Variants in MBTPS1 observed in about 807,000 individuals in gnomAD.
MBTPS1 encodes the protein membrane-bound transcription factor site-1 protease.
In MBTPS1, 94 loss-of-function variants were observed where a neutral mutation model predicts 127.8. The ratio of observed to expected loss-of-function variants is 0.74; its 90% CI spans 0.62 to 0.87. The LOEUF is 0.87. MBTPS1 is among the 40% of genes least tolerant of loss of function. The probability of loss-of-function intolerance (pLI) is 0.00; values close to 1 mark genes in which losing one functional copy is unlikely to be tolerated. For missense variants in MBTPS1, 1,636 were observed against 1,353.2 expected, an observed-to-expected ratio of 1.21 and a Z score of -3.28; for synonymous variants, 632 against 509.4, an observed-to-expected ratio of 1.24 and a Z score of -3.24.
In MBTPS1 at chr16:84,116,768, G is replaced by C. The variant is rs1458074420; in HGVS notation, c.-358C>G. 3 of 152,104 alleles carry C rather than the reference G, an allele frequency of 2.0e-5. No homozygotes were observed. The highest frequency in any genetic ancestry group is 6.5e-5 in the Admixed American group (1 of 15,272). The allele number at this position is 152,104 out of a possible 1,614,324, so 9.4% of individuals were successfully genotyped here. ...CCGGGAGCTCAGGGCCGGCGGGCCC[G>C]GGATAACGGCGCCTCCGCGGCGAAC... On this transcript the variant is annotated 5_prime_UTR_variant, in exon 1 of 23. Transcript: ENST00000343411.
In MBTPS1 at chr16:84,095,638, G is replaced by A. The variant is rs750303168; in HGVS notation, c.589C>T (p.Leu197=). Residue 197 remains leucine (L), a synonymous_variant, in exon 4 of 23, where the codon CTG becomes TTG. Coordinates refer to ENST00000343411, the MANE Select transcript of MBTPS1 (RefSeq NM_003791.4). ...ATCTGCCAGAGCACATCTGCCTGCA[G>A]TGTCTGGGCAACCTGGCGCGGGATG... is the stretch of plus-strand genomic sequence containing the variant. The part of the protein sequence containing the change: ...RAIPRQVAQT[L]QADVLWQMGY... 6.2e-7 allele frequency: 1 copy of A among 1,614,228 alleles called. No individual in the cohort carries two copies.
intron 5 of MBTPS1, among the ~76,000 whole-genome samples, 154 bp from the exon 6 acceptor site, chr16:84,093,451 T>C (rs1044626725): frequency 6.6e-6 from 1 of 152,194 alleles, no homozygotes. Flanking sequence ...TAGACGTCAC[T>C]GGCACAAGCA....
At chr16:84,088,989 C>G (rs914691935) in intron 8 of MBTPS1, among the ~76,000 whole-genome samples, 1 of 152,210 alleles carries the variant, frequency 6.6e-6, no homozygotes, top group African/African-American at 2.4e-5. Context: ...ACTCACAACT[C>G]TGGTAAGAAG....
intron 15 of MBTPS1, among the ~76,000 whole-genome samples, chr16:84,068,102 TA>T (rs993633437): frequency 2.0e-5 from 3 of 152,164 alleles, no homozygotes; most frequent in African/African-American, 7.2e-5. Context: ...GCTTTTAACT[TA>T]AAGAAAAAAG....
At chr16:84,066,049 G>C (rs1449329870) in intron 17 of MBTPS1, among the ~76,000 whole-genome samples, 1 of 152,114 alleles carries the variant, frequency 6.6e-6, no homozygotes, top group Non-Finnish European at 1.5e-5. Flanking sequence ...TTATAACTCA[G>C]AGCAGTGAAA....
chr16:84,087,986 T>C (rs1171165911), intron 8 of MBTPS1, among the ~76,000 whole-genome samples: 1 of 152,148 alleles, frequency 6.6e-6, no homozygotes, highest in East Asian at 1.9e-4. Context: ...TGTTCTACCC[T>C]CCTCATAGGG....
intron 20 of MBTPS1, chr16:84,059,726 C>A: frequency 5.0e-6 from 1 of 201,684 alleles, no homozygotes; most frequent in Non-Finnish European, 1.0e-5. Flanking sequence ...CTGACACACG[C>A]AAGGCTACAC....
At chr16:84,067,383 C>G (rs1173593796) in intron 16 of MBTPS1, among the ~76,000 whole-genome samples, 1 of 152,112 alleles carries the variant, frequency 6.6e-6, no homozygotes, top group Non-Finnish European at 1.5e-5. Context: ...GAGATAGGGT[C>G]TCTCTGACAC....
chr16:84,070,002 G>A lies in MBTPS1; in HGVS notation c.1819C>T (p.Leu607Phe). Residue 607 changes from leucine (L) to phenylalanine (F), a missense_variant, in exon 14 of 23, where the codon CTC becomes TTC. Transcript: ENST00000343411. Reference sequence around the variant, plus strand: ...GGAATTATCTTCACCTTAATGGGGAGCTTTACTGTTGAAGTCTGTTCTGCA... The same window carrying A: ...GGAATTATCTTCACCTTAATGGGGAACTTTACTGTTGAAGTCTGTTCTGCA... ...NGAEQTSTVK[L>F]PIKVKIIPTP... The A allele has an allele frequency of 6.2e-7, 1 of 1,613,828 alleles. No homozygotes were observed. Among genetic ancestry groups the A allele is most frequent in the Non-Finnish European group, 8.5e-7 (1 of 1,179,902 alleles).
At chr16:84,065,427 CAAAAT>C in intron 18 of MBTPS1, among the ~76,000 whole-genome samples, 1 of 152,114 alleles carries the variant, frequency 6.6e-6, no homozygotes, top group Non-Finnish European at 1.5e-5. Context: ...TAAAAGAAAC[CAAAAT>C]GTCGAATGGG....
At chr16:84,059,543 C>G (rs761106004) in intron 20 of MBTPS1, 115 bp from the exon 21 acceptor site, 26 of 951,648 alleles carry the variant, frequency 2.7e-5, no homozygotes, top group Non-Finnish European at 3.6e-5. Flanking sequence ...CAGCACAGAG[C>G]CCCTGTGCTC....
At chr16:84,063,579 T>C in intron 18 of MBTPS1, 134 bp from the exon 19 acceptor site, 1 of 839,938 alleles carries the variant, frequency 1.2e-6, no homozygotes, top group South Asian at 1.9e-5. Flanking sequence ...TTGCAAATTT[T>C]TAGAATAGAA....
At position 84,070,627 on chromosome 16, in the gene MBTPS1, G is replaced by C; in HGVS notation, c.1743C>G (p.Gly581=). 1 of 1,613,284 alleles carries C rather than the reference G, an allele frequency of 6.2e-7. No individual in the cohort carries two copies. Among genetic ancestry groups the C allele is most frequent in the Non-Finnish European group, 8.5e-7 (1 of 1,179,892 alleles). The part of the protein sequence containing the change: ...KAASWEGIAQ[G]HVMITVASPA... ...GGGAAGCCACAGTGATCATGACATG[G>C]CCCTGAGCAATGCCTTCCCAGGAAG... is the stretch of plus-strand genomic sequence containing the variant. Residue 581 remains glycine, a synonymous_variant, in exon 13 of 23, where the codon GGC becomes GGG. Transcript: ENST00000343411.
At chr16:84,097,872 T>G (rs201942037) in intron 3 of MBTPS1, among the ~76,000 whole-genome samples, 2,618 of 92,238 alleles carry the variant, frequency 0.028, 43 homozygotes, top group Non-Finnish European at 0.039. Context: ...GTGTGTGTGT[T>G]TGTGTGTGTG....
At chr16:84,078,971 G>A (rs767207142) in intron 11 of MBTPS1, among the ~76,000 whole-genome samples, 3 of 152,234 alleles carry the variant, frequency 2.0e-5, no homozygotes, top group Non-Finnish European at 4.4e-5. Context: ...TCACGCTGAC[G>A]TGTAATCCCC....
intron 20 of MBTPS1, 30 bp downstream of exon 20, chr16:84,060,652 C>T (rs1567471644): frequency 6.2e-7 from 1 of 1,604,552 alleles, no homozygotes. Context: ...ATCCAATTCC[C>T]TCCCCAAGGC....
At chr16:84,064,624 C>G (rs564225984) in intron 18 of MBTPS1, among the ~76,000 whole-genome samples, 1 of 152,238 alleles carries the variant, frequency 6.6e-6, no homozygotes, top group South Asian at 2.1e-4. Context: ...AGGGTACAAG[C>G]CAATGAGACC....
At chr16:84,091,131 T>G (rs2086100121) in intron 7 of MBTPS1, among the ~76,000 whole-genome samples, 189 bp from the exon 8 acceptor site, 1 of 152,166 alleles carries the variant, frequency 6.6e-6, no homozygotes, top group African/African-American at 2.4e-5. Context: ...AAGCACGCAG[T>G]GCACAGAGCA....
intron 11 of MBTPS1, among the ~76,000 whole-genome samples, chr16:84,076,589 G>T (rs1239484924): frequency 6.6e-6 from 1 of 152,120 alleles, no homozygotes; most frequent in Non-Finnish European, 1.5e-5. Flanking sequence ...ATTCAGATAG[G>T]TAGCAGCATA....
Sources: gnomAD v4.1 joint callset for allele counts (sites outside exome capture counted in the v4.1 genomes callset) on GRCh38, gnomAD v4.1.1 for gene constraint, MANE v1.5 for transcripts, NCBI Gene and HGNC (gene_info 2026-07-23, HGNC 2026-07-21) for gene names.